The following ZNHIT6 variants were observed in gnomAD, a reference collection of about 807,000 sequenced individuals.
The protein encoded by ZNHIT6 is box C/D snoRNA protein 1.
A neutral mutation model predicts 57.2 loss-of-function variants in ZNHIT6; 45 were observed. The ratio of observed to expected loss-of-function variants is 0.79; its 90% confidence interval spans 0.62 to 1.01. ZNHIT6 has a LOEUF of 1.01. Ranked by LOEUF, ZNHIT6 falls within the 50% of genes least tolerant of loss-of-function variation. The pLI is 0.00. For synonymous variants in ZNHIT6, 188 were observed against 190.0 expected (o/e 0.99, Z 0.09); for missense variants, 528 against 567.3 (o/e 0.93, Z 0.70).
At chr1:85,660,297 A>G (rs1459841676) in intron 8 of ZNHIT6, among the ~76,000 whole-genome samples, 1 of 152,206 alleles carries the variant, frequency 6.6e-6, no homozygotes, top group Non-Finnish European at 1.5e-5. Flanking sequence ...GCAATAACTT[A>G]TCTTCTGTGC....
At chr1:85,701,659 C>T (rs1255281533) in intron 5 of ZNHIT6, among the ~76,000 whole-genome samples, 10 of 152,234 alleles carry the variant, frequency 6.6e-5, no homozygotes, top group East Asian at 3.9e-4. Flanking sequence ...ACAGTACAGG[C>T]GTCCTGTTTT....
intron 8 of ZNHIT6, among the ~76,000 whole-genome samples, chr1:85,661,101 A>G (rs1001330376): frequency 6.6e-6 from 1 of 152,242 alleles, no homozygotes; most frequent in African/African-American, 2.4e-5. Context: ...TACCATTAAT[A>G]TTTATCAGTA....
chr1:85,685,906 C>T (rs755367858), intron 5 of ZNHIT6, among the ~76,000 whole-genome samples: 11 of 151,088 alleles, frequency 7.3e-5, no homozygotes, highest in Non-Finnish European at 1.6e-4. Flanking sequence ...CATTCATGGG[C>T]GCATACAGGA....
chr1:85,677,257 T>TATTC lies in ZNHIT6; in HGVS notation c.1222_1225dup (p.Tyr409Ter), dbSNP rs1661728874. On this transcript the variant is annotated stop_gained and frameshift_variant, in exon 8 of 10. Transcript: ENST00000370574. LOFTEE classifies it high-confidence loss of function. ...TTACCTTACTAAATTTTGCTGCATA[T>TATTC]ATTCAATCTTCATTAAAATCTGAAC... 2 of 1,607,620 alleles carry TATTC rather than the reference T, an allele frequency of 1.2e-6. No individual in the cohort carries two copies. Among genetic ancestry groups the TATTC allele is most frequent in the South Asian group, 2.2e-5 (2 of 89,002 alleles).
At chr1:85,681,977 CTT>C (rs527944363) in intron 5 of ZNHIT6, among the ~76,000 whole-genome samples, 4 of 139,806 alleles carry the variant, frequency 2.9e-5, no homozygotes, top group African/African-American at 7.8e-5. Context: ...ACAAGGCTGA[CTT>C]TTTTTTTTTA....
intron 4 of ZNHIT6, among the ~76,000 whole-genome samples, chr1:85,705,153 T>C (rs1662647999): frequency 1.3e-5 from 2 of 152,182 alleles, no homozygotes; most frequent in African/African-American, 4.8e-5. Context: ...AAAGGCAAAT[T>C]TATGTTCAAA....
At chr1:85,705,275 G>A (rs949572827) in intron 4 of ZNHIT6, among the ~76,000 whole-genome samples, 2 of 151,792 alleles carry the variant, frequency 1.3e-5, no homozygotes, top group South Asian at 2.1e-4. Flanking sequence ...GTGTAGTGGC[G>A]CAATCATGGC....
intron 5 of ZNHIT6, among the ~76,000 whole-genome samples, chr1:85,681,825 G>A (rs940490375): frequency 4.6e-5 from 7 of 152,244 alleles, no homozygotes; most frequent in East Asian, 1.9e-4. Context: ...AAGGACAGAT[G>A]TCTAAAATCT....
At chr1:85,691,115 A>G (rs895261844) in intron 5 of ZNHIT6, among the ~76,000 whole-genome samples, 1 of 152,200 alleles carries the variant, frequency 6.6e-6, no homozygotes, top group South Asian at 2.1e-4. Context: ...CTATAAACTG[A>G]AAACCACTAG....
In ZNHIT6 at chr1:85,665,680, A is replaced by G. The variant is rs535409162; in HGVS notation, c.1248-7709T>C. Among the ~76,000 whole-genome samples, 16 of 152,216 alleles carry G rather than the reference A, an allele frequency of 1.1e-4. No homozygotes were observed. In the East Asian group the frequency reaches 3.1e-3, roughly 29 times the overall value. On this transcript the variant is annotated intron_variant, in intron 8 of 9. Transcript: ENST00000370574. The stretch of plus-strand genomic sequence containing the variant: ...TTTTAAATCTTAATCTTTAGTCTTA[A>G]TCTTGCTAACAAAACATACATTTCC...
intron 5 of ZNHIT6, among the ~76,000 whole-genome samples, chr1:85,694,728 G>C (rs1025882093): frequency 1.2e-4 from 19 of 152,140 alleles, no homozygotes; most frequent in Non-Finnish European, 1.9e-4. Flanking sequence ...TCAAAGTGCT[G>C]GGTTTACAGG....
intron 6 of ZNHIT6, among the ~76,000 whole-genome samples, chr1:85,679,966 G>C (rs1057174434): frequency 5.9e-5 from 9 of 152,232 alleles, no homozygotes; most frequent in Non-Finnish European, 1.2e-4. Context: ...GACATTTTGG[G>C]AGGCAGAGAG....
chr1:85,655,794 T>A (rs1661043609), intron 9 of ZNHIT6, among the ~76,000 whole-genome samples: 1 of 152,176 alleles, frequency 6.6e-6, no homozygotes, highest in Non-Finnish European at 1.5e-5. Flanking sequence ...CTCTATCTTT[T>A]CCAGTTAACC....
At chr1:85,667,947 C>CAAAAA (rs1156795211) in intron 8 of ZNHIT6, among the ~76,000 whole-genome samples, 1 of 9,260 alleles carries the variant, frequency 1.1e-4, no homozygotes, top group African/African-American at 3.9e-4. Context: ...CTCTCTCTTT[C>CAAAAA]AAAAAAAAAA....
chr1:85,675,591 C>A (rs905068956), intron 8 of ZNHIT6, among the ~76,000 whole-genome samples: 1 of 152,124 alleles, frequency 6.6e-6, no homozygotes, highest in Non-Finnish European at 1.5e-5. Context: ...AACTTTAAGT[C>A]CCCAGCTGCA....
At chr1:85,684,324 T>C (rs75172846) in intron 5 of ZNHIT6, among the ~76,000 whole-genome samples, 1 of 152,266 alleles carries the variant, frequency 6.6e-6, no homozygotes, top group East Asian at 1.9e-4. Context: ...TAACTATTCA[T>C]GCATAGCAAA....
intron 6 of ZNHIT6, 69 bp downstream of exon 6, chr1:85,680,767 T>C: frequency 8.3e-7 from 1 of 1,202,964 alleles, no homozygotes; most frequent in Non-Finnish European, 1.2e-6. Flanking sequence ...GACATTAAGT[T>C]AACAGTTTAT....
chr1:85,687,041 G>T (rs957694057), intron 5 of ZNHIT6, among the ~76,000 whole-genome samples: 9 of 151,530 alleles, frequency 5.9e-5, no homozygotes, highest in African/African-American at 2.2e-4. Context: ...AGGCCGAGAT[G>T]GGTGGATCAC....
In ZNHIT6 at chr1:85,708,368, T is replaced by A. The variant is rs1204155028; in HGVS notation, c.-84A>T. The A allele has an allele frequency of 1.3e-6, 2 of 1,492,260 alleles. No homozygotes were observed. Among genetic ancestry groups the A allele is most frequent in the Non-Finnish European group, 1.8e-6 (2 of 1,121,702 alleles). 92.4% of individuals were successfully genotyped at this position (1,492,260 alleles called of 1,614,324 possible). ...CAATAGGAGGAATTACCGGTCGGAA[T>A]ACCTACGGCGGCCCACGTGTGGAGC... On this transcript the variant is annotated 5_prime_UTR_variant, in exon 1 of 10. Coordinates refer to ENST00000370574, the MANE Select transcript of ZNHIT6 (RefSeq NM_017953.4).
Sources: allele counts gnomAD v4.1 joint callset (sites outside exome capture counted in the v4.1 genomes callset), GRCh38; gene constraint gnomAD v4.1.1; transcripts MANE v1.5; gene names NCBI Gene and HGNC (gene_info 2026-07-23, HGNC 2026-07-21).